WWOX: variants seen among roughly 807,000 people sequenced by gnomAD.
WWOX encodes WW domain-containing oxidoreductase.
In WWOX, 69 loss-of-function variants were observed where a neutral mutation model predicts 46.2. The observed-to-expected ratio is 1.49, with a 90% CI of 1.23 to 1.82. The LOEUF (loss-of-function observed/expected upper bound fraction) is 1.82. Among genes scored for constraint, WWOX ranks in the 40% most tolerant of loss-of-function variants. The pLI is 0.00. For missense variants in WWOX, 919 were observed against 542.6 expected, an observed-to-expected ratio of 1.69 and a Z score of -6.89; for synonymous variants, 359 against 202.6, an observed-to-expected ratio of 1.77 and a Z score of -6.56.
chr16:79,040,275 A>ATTTTT (rs35194921), intron 8 of WWOX, among the ~76,000 whole-genome samples: 2 of 139,242 alleles, frequency 1.4e-5, no homozygotes, highest in African/African-American at 2.7e-5. Context: ...TTCTGAGTTG[A>ATTTTT]TTTTTTTTTT....
At chr16:78,474,616 C>G (rs2043171182) in intron 8 of WWOX, among the ~76,000 whole-genome samples, 1 of 152,140 alleles carries the variant, frequency 6.6e-6, no homozygotes, top group Non-Finnish European at 1.5e-5. Flanking sequence ...ACAATTCATG[C>G]ATTTAAAGTG....
chr16:78,692,255 C>T (rs138849422), intron 8 of WWOX, among the ~76,000 whole-genome samples: 2 of 152,300 alleles, frequency 1.3e-5, no homozygotes, highest in East Asian at 3.9e-4. Context: ...TTCTCTCAAT[C>T]TAATAGTAAA....
intron 8 of WWOX, among the ~76,000 whole-genome samples, chr16:78,572,846 G>T (rs2044752289): frequency 6.6e-6 from 1 of 152,004 alleles, no homozygotes; most frequent in African/African-American, 2.4e-5. Flanking sequence ...GGGAGGTATT[G>T]GAAAGTTCTG....
At chr16:78,296,621 G>A (rs1272297054) in intron 5 of WWOX, among the ~76,000 whole-genome samples, 2 of 151,514 alleles carry the variant, frequency 1.3e-5, no homozygotes, top group East Asian at 3.9e-4. Flanking sequence ...GTACACAGGG[G>A]AAATATGAAA....
intron 5 of WWOX, among the ~76,000 whole-genome samples, chr16:78,176,013 A>T (rs1405604643): frequency 1.3e-5 from 2 of 152,162 alleles, no homozygotes; most frequent in Non-Finnish European, 2.9e-5. Flanking sequence ...ATACCTGATC[A>T]GGAATCACCC....
At chr16:78,613,539 G>A (rs966812238) in intron 8 of WWOX, among the ~76,000 whole-genome samples, 6 of 152,176 alleles carry the variant, frequency 3.9e-5, no homozygotes, top group Admixed American at 3.9e-4. Context: ...AAACCTGCAT[G>A]CAAATTATCT....
At chr16:78,206,273 G>A (rs1273655029) in intron 5 of WWOX, among the ~76,000 whole-genome samples, 1 of 152,046 alleles carries the variant, frequency 6.6e-6, no homozygotes, top group Non-Finnish European at 1.5e-5. Context: ...TTGGAAATGA[G>A]CCTGTCATTG....
At chr16:79,092,334 G>A (rs901653582) in intron 8 of WWOX, among the ~76,000 whole-genome samples, 1 of 152,186 alleles carries the variant, frequency 6.6e-6, no homozygotes, top group African/African-American at 2.4e-5. Flanking sequence ...GTGCTGGGTG[G>A]CTTGAAAACA....
chr16:78,503,429 T>G (rs1268457003), intron 8 of WWOX, among the ~76,000 whole-genome samples: 1 of 151,880 alleles, frequency 6.6e-6, no homozygotes, highest in Non-Finnish European at 1.5e-5. Flanking sequence ...GTGTGGAATT[T>G]AAATATAATT....
chr16:78,772,482 C>T (rs796768167), intron 8 of WWOX, among the ~76,000 whole-genome samples: 13 of 152,138 alleles, frequency 8.5e-5, no homozygotes, highest in African/African-American at 2.9e-4. Context: ...ACGTGTAATT[C>T]TTCTTGGAAA....
At chr16:78,957,752 G>A (rs556904730) in intron 8 of WWOX, among the ~76,000 whole-genome samples, 1 of 152,320 alleles carries the variant, frequency 6.6e-6, no homozygotes, top group East Asian at 1.9e-4. Flanking sequence ...AAACACCATA[G>A]GAACGGAGAC....
chr16:79,033,147 T>A (rs1172861878), intron 8 of WWOX, among the ~76,000 whole-genome samples: 2 of 146,548 alleles, frequency 1.4e-5, no homozygotes, highest in East Asian at 3.9e-4. Flanking sequence ...AGATGTAATA[T>A]ATATATAATA....
At chr16:78,413,457 G>A (rs948280237) in intron 6 of WWOX, among the ~76,000 whole-genome samples, 58 of 152,146 alleles carry the variant, frequency 3.8e-4, no homozygotes, top group African/African-American at 1.3e-3. Flanking sequence ...TTGGGGCAGC[G>A]GGTGGATCTC....
intron 8 of WWOX, among the ~76,000 whole-genome samples, chr16:78,559,811 TACAG>T (rs2151556018): frequency 6.6e-6 from 1 of 152,326 alleles, no homozygotes; most frequent in African/African-American, 2.4e-5. Flanking sequence ...CCATTCATCT[TACAG>T]ACCTCAAGTG....
chr16:78,314,707 T>TTG (rs1455350384), intron 5 of WWOX, among the ~76,000 whole-genome samples: 19,893 of 94,106 alleles, frequency 0.21, 1,256 homozygotes, highest in East Asian at 0.41. Flanking sequence ...TTTTGTTTTT[T>TTG]TTTTTTTTTT....
At chr16:79,115,018 C>CA (rs912443070) in intron 8 of WWOX, among the ~76,000 whole-genome samples, 1 of 152,226 alleles carries the variant, frequency 6.6e-6, no homozygotes, top group African/African-American at 2.4e-5. Flanking sequence ...GCTTTCCCAG[C>CA]AAAGCCAAGT....
intron 8 of WWOX, among the ~76,000 whole-genome samples, chr16:78,467,870 G>C (rs553630244): frequency 1.2e-4 from 18 of 152,242 alleles, no homozygotes; most frequent in Admixed American, 8.5e-4. Context: ...CTGTCTTCCT[G>C]GATATAAAAT....
intron 4 of WWOX, among the ~76,000 whole-genome samples, chr16:78,159,175 G>C (rs1157445834): frequency 6.8e-6 from 1 of 148,050 alleles, no homozygotes. Context: ...TTGTGTGTGT[G>C]TCTTCCACAT....
chr16:78,942,939 A>G (rs947695026), intron 8 of WWOX, among the ~76,000 whole-genome samples: 17 of 152,130 alleles, frequency 1.1e-4, no homozygotes, highest in African/African-American at 4.1e-4. Flanking sequence ...AGGAAATAAG[A>G]TATTCATTTG....
Sources: allele counts gnomAD v4.1 joint callset (sites outside exome capture counted in the v4.1 genomes callset), GRCh38; gene constraint gnomAD v4.1.1; transcripts MANE v1.5; gene names NCBI Gene and HGNC (gene_info 2026-07-23, HGNC 2026-07-21).